TTN: variants seen among roughly 807,000 people sequenced by gnomAD.
TTN encodes the protein titin, also known as connectin.
In TTN, 1,525 loss-of-function variants were observed where a neutral mutation model predicts 3,223.0. That is an observed-to-expected ratio of 0.47 (90% CI 0.45 to 0.49). The LOEUF (loss-of-function observed/expected upper bound fraction) is 0.49, where lower values mean the gene tolerates loss of function less well. Ranked by LOEUF, TTN falls within the 20% of genes least tolerant of loss-of-function variation. The probability of loss-of-function intolerance (pLI) is 0.00; values close to 1 mark genes in which losing one functional copy is unlikely to be tolerated. For synonymous variants in TTN, 14,094 were observed against 15,161.0 expected (o/e 0.93, Z 5.17); for missense variants, 40,786 against 43,424.0 (o/e 0.94, Z 5.40).
At chr2:178,680,555 C>G (rs1450459582) in intron 138 of TTN, among the ~76,000 whole-genome samples, 1 of 151,786 alleles carries the variant, frequency 6.6e-6, no homozygotes, top group Non-Finnish European at 1.5e-5. Context: ...AGTAGCAGAG[C>G]CCAAATGTGA....
intron 110 of TTN, 43 bp downstream of exon 110, chr2:178,701,485 A>G: frequency 6.3e-7 from 1 of 1,591,286 alleles, no homozygotes; most frequent in Non-Finnish European, 8.6e-7. Flanking sequence ...TAGTGCTAGA[A>G]TATTGCTGCT....
At chr2:178,685,089 T>C (rs998937724) in intron 129 of TTN, 100 bp from the exon 130 acceptor site, 1 of 1,187,552 alleles carries the variant, frequency 8.4e-7, no homozygotes. Context: ...TGCACATATA[T>C]ACAAACGTTA....
chr2:178,760,489 G>A (rs1239123633), intron 43 of TTN, among the ~76,000 whole-genome samples: 1 of 152,136 alleles, frequency 6.6e-6, no homozygotes, highest in East Asian at 1.9e-4. Flanking sequence ...GAGATCTCCA[G>A]CCTGGTGACA....
intron 2 of TTN, among the ~76,000 whole-genome samples, chr2:178,803,022 T>G (rs1434962206): frequency 6.6e-6 from 1 of 152,224 alleles, no homozygotes; most frequent in Non-Finnish European, 1.5e-5. Context: ...AGCCAAGAAC[T>G]ACATGTCCAT....
In TTN at chr2:178,706,759, A is replaced by G. The variant is rs1560532126; in HGVS notation, c.29135-20T>C. 1 of 1,599,394 alleles carries G rather than the reference A, an allele frequency of 6.3e-7. No homozygotes were observed. Among genetic ancestry groups the G allele is most frequent in the Non-Finnish European group, 8.5e-7 (1 of 1,173,742 alleles). ...TGGTTTCTAAGGAATAATGAAAACAAGTGAATAAAAATTTAATTTTCTAAA... is the reference window on the plus strand; with the variant it reads ...TGGTTTCTAAGGAATAATGAAAACAGGTGAATAAAAATTTAATTTTCTAAA... On this transcript the variant is annotated intron_variant, in intron 101 of 362. Transcript: ENST00000589042.
In TTN at chr2:178,605,109, C is replaced by G; in HGVS notation, c.54068G>C (p.Arg18023Pro). ...ALQITKEEVS[R>P]SEAKTELSIP... ...GCTAAGCTCAGTTTTTGCCTCACTTCGGGATACCTCTTCCTTGGTTATCTG... is the reference window on the plus strand; with the variant it reads ...GCTAAGCTCAGTTTTTGCCTCACTTGGGGATACCTCTTCCTTGGTTATCTG... Residue 18023 changes from arginine (R) to proline (P), a missense_variant, in exon 280 of 363, where the codon CGA (arginine) becomes CCA (proline). Arg to Pro is a moderately radical substitution (Grantham distance 103). Transcript: ENST00000589042. 6.2e-7 allele frequency: 1 copy of G among 1,612,722 alleles called. No individual in the cohort carries two copies. The highest frequency in any genetic ancestry group is 8.5e-7 in the Non-Finnish European group (1 of 1,179,192).
chr2:178,614,524 G>A lies in TTN; in HGVS notation c.48990C>T (p.Ile16330=). The A allele has an allele frequency of 6.2e-7, 1 of 1,612,254 alleles. No individual in the cohort carries two copies. The highest frequency in any genetic ancestry group is 8.5e-7 in the Non-Finnish European group (1 of 1,179,128). ...GGCCACACACATTCACAGCCTCAAT[G>A]ATATATGTGCCAGTGTCACTTCTCT... ...DSKRSDTGTY[I]IEAVNVCGRA... The change falls in exon 261 of 363, where the codon ATC becomes ATT. Residue 16330 remains isoleucine, a synonymous_variant. Coordinates refer to ENST00000589042, the MANE Select transcript of TTN (RefSeq NM_001267550.2).
rs1057518267 is a variant in TTN at position 178,558,247 on chromosome 2, G to A, written c.87119-12C>T. The A allele has an allele frequency of 2.5e-6, 4 of 1,596,564 alleles. No homozygotes were observed. In the Admixed American group the frequency reaches 5.5e-5, roughly 22 times the overall value. On this transcript the variant is annotated splice_polypyrimidine_tract_variant and intron_variant, in intron 327 of 362. Coordinates refer to ENST00000589042, the MANE Select transcript of TTN (RefSeq NM_001267550.2). ...AATTTCAGGTGGTTCTGAAAAATGA[G>A]TATAGAAAGTGAAAGTGAAAAAGTG...
chr2:178,685,424 A>G, intron 128 of TTN, 94 bp from the exon 129 acceptor site: 1 of 1,470,910 alleles, frequency 6.8e-7, no homozygotes, highest in Middle Eastern at 1.7e-4. Flanking sequence ...ATATTTATCA[A>G]TATTTGCAAT....
In TTN at chr2:178,771,510, A is replaced by G. The variant is rs371181677; in HGVS notation, c.7856-39T>C. 94 of 1,613,092 alleles carry G rather than the reference A, an allele frequency of 5.8e-5. No individual in the cohort carries two copies. The African/African-American group carries it at 7.3e-4, about 13-fold the overall frequency. ...GATGTACAGTATGAGTCCTTTAAAC[A>G]TATTCACACAATGGGAAAATCTTTG... On this transcript the variant is annotated intron_variant, in intron 33 of 362. Coordinates refer to ENST00000589042, the MANE Select transcript of TTN (RefSeq NM_001267550.2).
chr2:178,780,289 T>C (rs2092648778), intron 21 of TTN, 84 bp from the exon 22 acceptor site: 1 of 1,276,042 alleles, frequency 7.8e-7, no homozygotes, highest in Non-Finnish European at 1.1e-6. Flanking sequence ...AACTCTACAC[T>C]GGGGAAAGTT....
chr2:178,540,005 TA>T, intron 351 of TTN, 39 bp from the exon 352 acceptor site: 8 of 1,604,428 alleles, frequency 5.0e-6, no homozygotes, highest in Non-Finnish European at 6.8e-6. Context: ...GCATTTGGGG[TA>T]GGGGGACTAA....
intron 353 of TTN, 50 bp downstream of exon 353, chr2:178,538,896 C>CCAAA (rs747286748): frequency 1.3e-6 from 2 of 1,580,174 alleles, no homozygotes; most frequent in South Asian, 2.4e-5. Flanking sequence ...AATAAAAGGA[C>CCAAA]CAAACATGGC....
At position 178,744,361 on chromosome 2, in the gene TTN, T is replaced by C. The variant is rs1389030546; in HGVS notation, c.11312-2440A>G. The C allele has an allele frequency of 5.1e-6, 5 of 983,712 alleles. No individual in the cohort carries two copies. The African/African-American group carries it at 8.7e-5, about 17-fold the overall frequency. The allele number at this position is 983,712 out of a possible 1,614,324, so 60.9% of individuals were successfully genotyped here. A position where few individuals can be genotyped will look rare whatever the true frequency, so the allele number is the denominator to read the frequency against. On this transcript the variant is annotated intron_variant, in intron 47 of 362. Coordinates refer to ENST00000589042, the MANE Select transcript of TTN (RefSeq NM_001267550.2). ...CTTAACACAGAATTGTATTGTTGAA[T>C]GATCACCTCTAAGGTCTTTTGGTCC...
chr2:178,565,811 G>A lies in TTN; in HGVS notation c.80321C>T (p.Ala26774Val), dbSNP rs1272733739. 4 of 1,613,580 alleles carry A rather than the reference G, an allele frequency of 2.5e-6. No homozygotes were observed. In the East Asian group the frequency reaches 6.7e-5, roughly 27 times the overall value. The change falls in exon 326 of 363, where the codon GCC (alanine) becomes GTC (valine). Residue 26774 changes from alanine (A) to valine (V), a missense_variant. Ala to Val is a moderately conservative substitution (Grantham distance 64, BLOSUM62 0). Coordinates refer to ENST00000589042, the MANE Select transcript of TTN (RefSeq NM_001267550.2). ...GGAAGGAGGTTCAGCAGCTTTCACG[G>A]CATCAACAGTTTCCACTGGAACACC... Reference protein sequence around the residue: ...GVGVPVETVDAVKAAEPPSPP... With the variant: ...GVGVPVETVDVVKAAEPPSPP...
Position 178,733,876 on chromosome 2 carries a change from T to C in TTN, c.15513A>G (p.Val5171=). The change falls in exon 53 of 363, where the codon GTA becomes GTG. Residue 5171 remains valine (V), a synonymous_variant. Coordinates refer to ENST00000589042, the MANE Select transcript of TTN (RefSeq NM_001267550.2). The stretch of plus-strand genomic sequence containing the variant: ...GTGCAATCAAATCATCTACTTTCTT[T>C]ACAAAGGTTGGAGGTTCTAGTTAAG... ...THLLKEPPTF[V]KKVDDLIALG... 1.3e-6 allele frequency: 2 copies of C among 1,598,824 alleles called. No homozygotes were observed. Among genetic ancestry groups the C allele is most frequent in the Non-Finnish European group, 1.7e-6 (2 of 1,169,562 alleles).
chr2:178,575,687 T>A lies in TTN; in HGVS notation c.70445A>T (p.Tyr23482Phe). Residue 23482 changes from tyrosine to phenylalanine, a missense_variant, in exon 326 of 363, where the codon TAT (tyrosine) becomes TTT (phenylalanine). Coordinates refer to ENST00000589042, the MANE Select transcript of TTN (RefSeq NM_001267550.2). The surrounding 1 kb of genome is among the most constrained non-coding windows in gnomAD (Gnocchi z 4.0). ...ATGGCACTTAGTGGTGGCTGTGGAA[T>A]AAGATTTCCGTGTTGCTTCACGTTT... ...VEKREATRKS[Y>F]STATTKCHKC... 2 of 1,613,570 alleles carry A rather than the reference T, an allele frequency of 1.2e-6. No homozygotes were observed. Among genetic ancestry groups the A allele is most frequent in the Non-Finnish European group, 1.7e-6 (2 of 1,179,648 alleles).
intron 336 of TTN, 147 bp from the exon 337 acceptor site, chr2:178,550,420 A>G (rs1287906742): frequency 4.7e-6 from 3 of 644,706 alleles, no homozygotes; most frequent in Non-Finnish European, 7.6e-6. Flanking sequence ...AGTAGGATTG[A>G]TAATTGAGAA....
chr2:178,806,100 C>A (rs1020365240), intron 1 of TTN, among the ~76,000 whole-genome samples: 2 of 152,120 alleles, frequency 1.3e-5, no homozygotes, highest in African/African-American at 4.8e-5. Flanking sequence ...CTGTTCCTTA[C>A]TGTAACCTTC....
Sources: allele counts gnomAD v4.1 joint callset (sites outside exome capture counted in the v4.1 genomes callset), GRCh38; gene constraint gnomAD v4.1.1; non-coding constraint Gnocchi (gnomAD v3.1); transcripts MANE v1.5; gene names NCBI Gene and HGNC (gene_info 2026-07-23, HGNC 2026-07-21).